The following SNAP25 variants were observed in gnomAD, a reference collection of about 807,000 sequenced individuals.
SNAP25 encodes the protein synaptosomal-associated protein 25.
SNAP25 carries 3 observed loss-of-function variants against 28.7 expected under a neutral mutation model. That is an observed-to-expected ratio of 0.10 (90% CI 0.05 to 0.27). The LOEUF (loss-of-function observed/expected upper bound fraction) is 0.27, where lower values mean the gene tolerates loss of function less well. SNAP25 is among the 10% of genes least tolerant of loss of function. The probability of loss-of-function intolerance (pLI) is 1.00; values close to 1 mark genes in which losing one functional copy is unlikely to be tolerated. For synonymous variants in SNAP25, 61 were observed against 88.1 expected, an observed-to-expected ratio of 0.69 and a Z score of 1.72; for missense variants, 117 against 278.7, an observed-to-expected ratio of 0.42 and a Z score of 4.13.
At chr20:10,259,359 G>A (rs2063372631) in intron 1 of SNAP25, among the ~76,000 whole-genome samples, 1 of 152,092 alleles carries the variant, frequency 6.6e-6, no homozygotes, top group African/African-American at 2.4e-5. Context: ...TTCCACAGTG[G>A]TTCCTGTAAT....
intron 1 of SNAP25, among the ~76,000 whole-genome samples, chr20:10,248,926 C>T (rs1568587454): frequency 6.6e-6 from 1 of 152,198 alleles, no homozygotes; most frequent in Non-Finnish European, 1.5e-5. Flanking sequence ...TCATCAACCA[C>T]TCTGCGAATA....
chr20:10,236,254 C>A (rs363026), intron 1 of SNAP25, among the ~76,000 whole-genome samples: 21,694 of 151,996 alleles, frequency 0.14, 2,934 homozygotes, highest in African/African-American at 0.36. Context: ...CAAGAGGGCA[C>A]CTGAATATCT....
intron 1 of SNAP25, among the ~76,000 whole-genome samples, chr20:10,220,626 G>A (rs907313981): frequency 1.3e-5 from 2 of 152,100 alleles, no homozygotes; most frequent in African/African-American, 4.8e-5. Context: ...AGTCATCAGG[G>A]GTATTTCTCT....
chr20:10,279,905 C>T (rs1192959390), intron 3 of SNAP25, among the ~76,000 whole-genome samples: 1 of 152,200 alleles, frequency 6.6e-6, no homozygotes, highest in Non-Finnish European at 1.5e-5. Context: ...TATTTATGGT[C>T]AAACATCCTG....
At chr20:10,233,507 C>T (rs887282054) in intron 1 of SNAP25, among the ~76,000 whole-genome samples, 5 of 152,144 alleles carry the variant, frequency 3.3e-5, no homozygotes, top group African/African-American at 9.6e-5. Flanking sequence ...CAAAACCCAT[C>T]GTTCCATCAA....
intron 4 of SNAP25, among the ~76,000 whole-genome samples, chr20:10,290,032 A>G (rs2063964338): frequency 6.6e-6 from 1 of 152,072 alleles, no homozygotes; most frequent in African/African-American, 2.4e-5. Context: ...AAGAATAAAC[A>G]GAAATGAGCC....
chr20:10,283,683 T>G (rs1356772564), intron 3 of SNAP25, among the ~76,000 whole-genome samples: 10 of 152,226 alleles, frequency 6.6e-5, no homozygotes, highest in Admixed American at 5.9e-4. Context: ...TCTTTCTTTC[T>G]TAGTTCAAAG....
Position 10,290,731 on chromosome 20 carries a change from G to A in SNAP25, c.164-2430G>A, listed in dbSNP as rs187298248. On this transcript the variant is annotated intron_variant, in intron 4 of 7. Coordinates refer to ENST00000254976, the MANE Select transcript of SNAP25 (RefSeq NM_130811.4). ...CAAATAATTGCATATGTGTCCCCAC[G>A]CCATAATCTATGCTTATTTCAGCTG... Among the ~76,000 whole-genome samples, 30 of 152,028 alleles carry A rather than the reference G, an allele frequency of 2.0e-4. No homozygotes were observed. The East Asian group carries it at 4.6e-3, about 23-fold the overall frequency.
At chr20:10,264,197 C>T (rs2063467675) in intron 1 of SNAP25, among the ~76,000 whole-genome samples, 1 of 152,008 alleles carries the variant, frequency 6.6e-6, no homozygotes, top group Non-Finnish European at 1.5e-5. Context: ...CAAGCAGAGG[C>T]CGCTTTTCAC....
At chr20:10,230,129 G>T (rs1264879884) in intron 1 of SNAP25, among the ~76,000 whole-genome samples, 2 of 152,098 alleles carry the variant, frequency 1.3e-5, no homozygotes, top group Non-Finnish European at 2.9e-5. Flanking sequence ...CAATCTGGGG[G>T]AGCAGAAAAT....
At chr20:10,262,888 C>T (rs1359888852) in intron 1 of SNAP25, among the ~76,000 whole-genome samples, 2 of 151,992 alleles carry the variant, frequency 1.3e-5, no homozygotes, top group Non-Finnish European at 2.9e-5. Flanking sequence ...TACTCCTCTG[C>T]CAGTCAGTTG....
chr20:10,241,678 T>G (rs1009642835), intron 1 of SNAP25, among the ~76,000 whole-genome samples: 7 of 152,034 alleles, frequency 4.6e-5, no homozygotes, highest in Non-Finnish European at 1.0e-4. Context: ...TGAGATGGTG[T>G]GATCAGGTGT....
intron 4 of SNAP25, among the ~76,000 whole-genome samples, chr20:10,290,836 C>T (rs984267441): frequency 6.6e-6 from 1 of 152,134 alleles, no homozygotes; most frequent in African/African-American, 2.4e-5. Context: ...TCCCAGAGGC[C>T]ATTAGCAATT....
chr20:10,275,673 GA>G (rs2063680196), intron 2 of SNAP25, 110 bp downstream of exon 2: 2 of 836,728 alleles, frequency 2.4e-6, no homozygotes, highest in Non-Finnish European at 3.5e-6. Flanking sequence ...ATTTCTTTTA[GA>G]AAAAGTAATA....
chr20:10,229,909 A>G (rs904534043), intron 1 of SNAP25, among the ~76,000 whole-genome samples: 1 of 152,120 alleles, frequency 6.6e-6, no homozygotes, highest in African/African-American at 2.4e-5. Context: ...AGAAGAAGAA[A>G]AGAAAAGATT....
chr20:10,299,200 C>A, intron 6 of SNAP25, 68 bp from the exon 7 acceptor site: 4 of 1,553,384 alleles, frequency 2.6e-6, no homozygotes, highest in Non-Finnish European at 3.5e-6. Context: ...TTCCACTATG[C>A]TTTGGGTCCT....
intron 1 of SNAP25, among the ~76,000 whole-genome samples, chr20:10,226,362 A>AT (rs567783460): frequency 6.6e-6 from 1 of 152,194 alleles, no homozygotes; most frequent in Non-Finnish European, 1.5e-5. Context: ...ACTTTTTCCA[A>AT]TTCCATGATC....
rs552586011 is a variant in SNAP25 at position 10,280,334 on chromosome 20, T to G, written c.114+2608T>G. On this transcript the variant is annotated intron_variant, in intron 3 of 7. Coordinates refer to ENST00000254976, the MANE Select transcript of SNAP25 (RefSeq NM_130811.4). Reference sequence around the variant, plus strand: ...GTGGAGAAAGTTCAGAAAAAATGAATGCCATAGATAGGTAAAAAGGTTAGA... The same window carrying G: ...GTGGAGAAAGTTCAGAAAAAATGAAGGCCATAGATAGGTAAAAAGGTTAGA... 2.6e-5 allele frequency among the ~76,000 whole-genome samples: 4 copies of G among 152,274 alleles called. 1 individual carries two copies. In the South Asian group the frequency reaches 6.2e-4, roughly 24 times the overall value.
At chr20:10,257,843 A>G (rs1025585851) in intron 1 of SNAP25, among the ~76,000 whole-genome samples, 2 of 148,078 alleles carry the variant, frequency 1.4e-5, no homozygotes, top group African/African-American at 5.0e-5. Flanking sequence ...AGATCATGCC[A>G]CTGCACTCCA....
Sources: gnomAD v4.1 joint callset for allele counts (sites outside exome capture counted in the v4.1 genomes callset) on GRCh38, gnomAD v4.1.1 for gene constraint, MANE v1.5 for transcripts, NCBI Gene and HGNC (gene_info 2026-07-23, HGNC 2026-07-21) for gene names.